DOCK9: variants seen among roughly 807,000 people sequenced by gnomAD.
The protein encoded by DOCK9 is dedicator of cytokinesis protein 9.
In DOCK9, 89 loss-of-function variants were observed where a neutral mutation model predicts 263.3. That is an observed-to-expected ratio of 0.34 (90% CI 0.28 to 0.40). The LOEUF is 0.40. Ranked by LOEUF, DOCK9 falls within the 10% of genes least tolerant of loss-of-function variation. The probability of loss-of-function intolerance (pLI) is 1.00; values close to 1 mark genes in which losing one functional copy is unlikely to be tolerated. For missense variants in DOCK9, 2,140 were observed against 2,603.4 expected (o/e 0.82, Z 3.87); for synonymous variants, 976 against 973.1 (o/e 1.00, Z -0.06).
At chr13:99,008,236 T>TATATA (rs1883807618) in intron 1 of DOCK9, among the ~76,000 whole-genome samples, 5 of 56,724 alleles carry the variant, frequency 8.8e-5, no homozygotes, top group African/African-American at 2.3e-4. Context: ...ATATATATAT[T>TATATA]TTTTTTTTTT....
chr13:99,021,587 C>G (rs1295023725), intron 1 of DOCK9, among the ~76,000 whole-genome samples: 1 of 144,652 alleles, frequency 6.9e-6, no homozygotes, highest in Non-Finnish European at 1.5e-5. Flanking sequence ...TGCAGTGAGC[C>G]GAGATCGCGC....
intron 1 of DOCK9, among the ~76,000 whole-genome samples, chr13:99,068,671 T>TA (rs200841453): frequency 0.012 from 1,699 of 147,096 alleles, 33 homozygotes; most frequent in African/African-American, 0.036. Context: ...TCCTTCAGTT[T>TA]AAAAAAAAAA....
chr13:99,046,239 G>A (rs755696203), intron 1 of DOCK9, among the ~76,000 whole-genome samples: 5 of 152,308 alleles, frequency 3.3e-5, no homozygotes, highest in African/African-American at 4.8e-5. Context: ...CAAGCCGAGC[G>A]ACCTCCCACC....
At chr13:98,863,252 C>T in intron 31 of DOCK9, 118 bp downstream of exon 31, 1 of 1,506,446 alleles carries the variant, frequency 6.6e-7, no homozygotes, top group Non-Finnish European at 9.1e-7. Flanking sequence ...ATTTTAGTCC[C>T]AAAATAGAGC....
intron 33 of DOCK9, 71 bp from the exon 34 acceptor site, chr13:98,856,102 A>G: frequency 6.6e-7 from 1 of 1,519,242 alleles, no homozygotes; most frequent in Middle Eastern, 1.7e-4. Context: ...ACTGAACTTT[A>G]AGGGAAATTG....
intron 2 of DOCK9, chr13:98,950,302 T>C: frequency 1.3e-6 from 1 of 783,626 alleles, no homozygotes. Flanking sequence ...TTCCAGTCGC[T>C]TAAACCTGAG....
At position 98,881,038 on chromosome 13, in the gene DOCK9, CAG is replaced by C. The variant is rs201438695; in HGVS notation, c.2746-368_2746-367del. 4.1e-3 allele frequency among the ~76,000 whole-genome samples: 620 copies of C among 152,332 alleles called. 5 individuals are homozygous for C. The highest frequency in any genetic ancestry group is 0.014 in the African/African-American group (586 of 41,566). The stretch of plus-strand genomic sequence containing the variant: ...ATTTACAAAGGTATTTAATAGTAAA[CAG>C]AATATGTGCATCTGTTTAGAATAGT... On this transcript the variant is annotated intron_variant, in intron 25 of 52. Coordinates refer to ENST00000682017, the MANE Select transcript of DOCK9 (RefSeq NM_001366683.2).
chr13:99,048,173 C>A (rs551904062), intron 1 of DOCK9, among the ~76,000 whole-genome samples: 2 of 152,264 alleles, frequency 1.3e-5, no homozygotes, highest in South Asian at 4.2e-4. Flanking sequence ...TGTGCTGCTT[C>A]TTGGTTTACA....
At position 99,044,400 on chromosome 13, in the gene DOCK9, T is replaced by A. The variant is rs577760626; in HGVS notation, c.129+41823A>T. Reference sequence around the variant, plus strand: ...CAATAAATGCTTATTGTGAAGTTCTTGAAGCAGCAGATGCTTCCTATAGCT... The same window carrying A: ...CAATAAATGCTTATTGTGAAGTTCTAGAAGCAGCAGATGCTTCCTATAGCT... On this transcript the variant is annotated intron_variant, in intron 1 of 32. Coordinates refer to the DOCK9 transcript ENST00000427887. Among the ~76,000 whole-genome samples, 4 of 152,300 alleles carry A rather than the reference T, an allele frequency of 2.6e-5. No individual in the cohort carries two copies. In the East Asian group the frequency reaches 7.7e-4, roughly 29 times the overall value.
intron 9 of DOCK9, among the ~76,000 whole-genome samples, chr13:98,911,613 G>A (rs2050047218): frequency 6.6e-6 from 1 of 151,294 alleles, no homozygotes; most frequent in South Asian, 2.1e-4. Context: ...TTTTTTTTCA[G>A]GTCGGGCGTA....
chr13:98,933,045 A>G (rs1184498997), intron 2 of DOCK9, among the ~76,000 whole-genome samples: 1 of 152,220 alleles, frequency 6.6e-6, no homozygotes, highest in Non-Finnish European at 1.5e-5. Context: ...GTGCTACCTC[A>G]AAAAGTATAC....
rs1241858835 is a variant in DOCK9, at chr13:98,989,370, AATAATAATG to A, written c.130-33828_130-33820del. Reference sequence around the variant, plus strand: ...TGATAATAATAATAATAATAATAATAATAATAATGATAATACAGATTCCAGGACCTCACC... The same window carrying A: ...TGATAATAATAATAATAATAATAATAATAATACAGATTCCAGGACCTCACC... On this transcript the variant is annotated intron_variant, in intron 1 of 32. Coordinates refer to the DOCK9 transcript ENST00000427887. Among the ~76,000 whole-genome samples, 823 of 137,192 alleles carry A rather than the reference AATAATAATG, an allele frequency of 6.0e-3. 3 individuals are homozygous for A. The highest frequency in any genetic ancestry group is 0.017 in the African/African-American group (640 of 37,160). The allele number at this position is 137,192 out of a possible 152,430, so 90.0% of individuals were successfully genotyped here.
At chr13:98,969,650 C>T (rs542886022) in intron 1 of DOCK9, among the ~76,000 whole-genome samples, 12 of 152,332 alleles carry the variant, frequency 7.9e-5, no homozygotes, top group Non-Finnish European at 1.6e-4. Context: ...CAGGAGCACA[C>T]AGTCTACTGG....
rs139097933 is a variant in DOCK9 at position 98,879,371 on chromosome 13, C to T, written c.2943+527G>A. Among the ~76,000 whole-genome samples the T allele has an allele frequency of 3.9e-5, 6 of 152,224 alleles. No homozygotes were observed. In the East Asian group the frequency reaches 5.8e-4, roughly 15 times the overall value. ...ATTTGAGACTGCGCATCTGCCCCAA[C>T]GAGATGGATAATCTCAGAGTCTGTT... On this transcript the variant is annotated intron_variant, in intron 27 of 52. Coordinates refer to ENST00000682017, the MANE Select transcript of DOCK9 (RefSeq NM_001366683.2).
chr13:98,832,557 T>A (rs1326212344), intron 39 of DOCK9, among the ~76,000 whole-genome samples: 1 of 152,200 alleles, frequency 6.6e-6, no homozygotes, highest in Non-Finnish European at 1.5e-5. Context: ...TTTCCTCATG[T>A]CAGTAGAAAA....
At chr13:99,042,317 G>T (rs1248451207) in intron 1 of DOCK9, among the ~76,000 whole-genome samples, 1 of 152,238 alleles carries the variant, frequency 6.6e-6, no homozygotes, top group Non-Finnish European at 1.5e-5. Context: ...CTATGAATCT[G>T]GTCTTTTTTC....
At chr13:99,070,015 CTTTT>C (rs914368504) in intron 1 of DOCK9, among the ~76,000 whole-genome samples, 1 of 151,690 alleles carries the variant, frequency 6.6e-6, no homozygotes, top group African/African-American at 2.4e-5. Context: ...CAAAGATAGA[CTTTT>C]TTTTTCTTTA....
At chr13:98,932,212 G>T (rs1353852801) in intron 2 of DOCK9, among the ~76,000 whole-genome samples, 7 of 149,812 alleles carry the variant, frequency 4.7e-5, no homozygotes, top group Non-Finnish European at 1.0e-4. Flanking sequence ...GGCCAACATG[G>T]TGAAACCCCG....
intron 37 of DOCK9, among the ~76,000 whole-genome samples, chr13:98,848,263 T>C (rs2093450377): frequency 6.6e-6 from 1 of 151,544 alleles, no homozygotes; most frequent in Admixed American, 6.6e-5. Context: ...GGAAGGAACA[T>C]AGGAAGAAGA....
Sources: gnomAD v4.1 joint callset for allele counts (sites outside exome capture counted in the v4.1 genomes callset) on GRCh38, gnomAD v4.1.1 for gene constraint, MANE v1.5 for transcripts, NCBI Gene and HGNC (gene_info 2026-07-23, HGNC 2026-07-21) for gene names.